The following VWA8 variants were observed in gnomAD, a reference collection of about 807,000 sequenced individuals.
VWA8 encodes von Willebrand factor A domain-containing protein 8.
Under a neutral mutation model 241.5 loss-of-function variants are expected in VWA8, and 221 were observed. The observed-to-expected ratio is 0.91, with a 90% CI of 0.82 to 1.02. VWA8 has a LOEUF of 1.02. Among genes scored for constraint, VWA8 ranks in the 50% least tolerant of loss-of-function variants. The probability of loss-of-function intolerance (pLI) is 0.00; values close to 1 mark genes in which losing one functional copy is unlikely to be tolerated. For missense variants in VWA8, 2,322 were observed against 2,328.7 expected (o/e 1.00, Z 0.06); for synonymous variants, 852 against 827.1 (o/e 1.03, Z -0.52).
At chr13:41,825,096 C>T (rs1871124782) in intron 14 of VWA8, among the ~76,000 whole-genome samples, 1 of 152,162 alleles carries the variant, frequency 6.6e-6, no homozygotes, top group African/African-American at 2.4e-5. Context: ...TTTATACAGA[C>T]CTGCAGTCTA....
chr13:41,864,923 G>C lies in VWA8; in HGVS notation c.1425+813C>G, dbSNP rs543213623. The stretch of plus-strand genomic sequence containing the variant: ...GAATTGCTTGAACCCGGGGTGGGCA[G>C]AGGTTGCAGTGAGCCGAGATTGTGC... On this transcript the variant is annotated intron_variant, in intron 12 of 44. Coordinates refer to ENST00000379310, the MANE Select transcript of VWA8 (RefSeq NM_015058.2). 2.0e-5 allele frequency among the ~76,000 whole-genome samples: 3 copies of C among 148,646 alleles called. No homozygotes were observed. In the East Asian group the frequency reaches 6.0e-4, roughly 30 times the overall value.
At chr13:41,887,090 C>G in intron 6 of VWA8, 107 bp downstream of exon 6, 1 of 1,286,516 alleles carries the variant, frequency 7.8e-7, no homozygotes, top group Non-Finnish European at 1.1e-6. Context: ...TTTCCATGAC[C>G]TACTCAGGAA....
chr13:41,940,369 T>C (rs1001755620), intron 2 of VWA8, among the ~76,000 whole-genome samples: 2 of 151,966 alleles, frequency 1.3e-5, no homozygotes, highest in African/African-American at 2.4e-5. Context: ...TAAGAGGGTA[T>C]CAAACTTCAA....
chr13:41,921,932 T>C (rs1164783299), intron 2 of VWA8, among the ~76,000 whole-genome samples: 1 of 152,176 alleles, frequency 6.6e-6, no homozygotes, highest in African/African-American at 2.4e-5. Context: ...TGGAAAAGAC[T>C]ACTTTAAAGT....
intron 2 of VWA8, among the ~76,000 whole-genome samples, chr13:41,946,571 C>G (rs917298009): frequency 2.0e-5 from 3 of 150,998 alleles, no homozygotes; most frequent in Non-Finnish European, 4.4e-5. Context: ...ACTATTGAAA[C>G]TAAGTTACCA....
rs146266231 is a variant in VWA8, at chr13:41,938,034, G to A, written c.241+11902C>T. Among the ~76,000 whole-genome samples, 43 of 151,746 alleles carry A rather than the reference G, an allele frequency of 2.8e-4. No homozygotes were observed. In the East Asian group the frequency reaches 6.5e-3, roughly 23 times the overall value. On this transcript the variant is annotated intron_variant, in intron 2 of 44. Transcript: ENST00000379310. ...AAATTAGCCAGACATGGTGGCACACGTCTGTAATCCCAGCTACTGGGGAGG... is the reference window on the plus strand; with the variant it reads ...AAATTAGCCAGACATGGTGGCACACATCTGTAATCCCAGCTACTGGGGAGG...
At chr13:41,873,092 T>C (rs1873716892) in intron 9 of VWA8, among the ~76,000 whole-genome samples, 1 of 152,020 alleles carries the variant, frequency 6.6e-6, no homozygotes, top group Admixed American at 6.6e-5. Context: ...ACTGGGTACA[T>C]AACGAAATGA....
At chr13:41,884,549 C>T (rs572557101) in intron 8 of VWA8, among the ~76,000 whole-genome samples, 213 of 150,214 alleles carry the variant, frequency 1.4e-3, no homozygotes, top group African/African-American at 5.0e-3. Context: ...TTTAAGAGTA[C>T]TGACTGCAAT....
chr13:41,949,495 G>A (rs1309386904), intron 2 of VWA8, among the ~76,000 whole-genome samples: 2 of 152,088 alleles, frequency 1.3e-5, no homozygotes, highest in African/African-American at 4.8e-5. Flanking sequence ...GGCTAGGGGA[G>A]GAATAGCATT....
chr13:41,871,154 G>A (rs1416827929), intron 9 of VWA8, among the ~76,000 whole-genome samples: 1 of 152,048 alleles, frequency 6.6e-6, no homozygotes, highest in African/African-American at 2.4e-5. Flanking sequence ...CAACATCACA[G>A]CTGGTCAGAA....
At chr13:41,634,374 C>T (rs1297311937) in intron 37 of VWA8, among the ~76,000 whole-genome samples, 1 of 152,120 alleles carries the variant, frequency 6.6e-6, no homozygotes, top group Non-Finnish European at 1.5e-5. Flanking sequence ...GTTGTGTAGT[C>T]ATGTGAGGTA....
At chr13:41,871,312 T>C (rs1873598820) in intron 9 of VWA8, among the ~76,000 whole-genome samples, 1 of 152,190 alleles carries the variant, frequency 6.6e-6, no homozygotes, top group African/African-American at 2.4e-5. Context: ...TTTTTTTAAA[T>C]TTATTATTAT....
intron 9 of VWA8, among the ~76,000 whole-genome samples, chr13:41,874,399 CTGTT>C (rs1873798940): frequency 6.6e-6 from 1 of 152,124 alleles, no homozygotes; most frequent in African/African-American, 2.4e-5. Flanking sequence ...CAAATTGTCT[CTGTT>C]TGCAGATGAC....
At chr13:41,695,179 C>T (rs1478485090) in intron 29 of VWA8, among the ~76,000 whole-genome samples, 1 of 152,068 alleles carries the variant, frequency 6.6e-6, no homozygotes, top group East Asian at 1.9e-4. Flanking sequence ...AGAAAAGTAA[C>T]CTCTGGATGA....
At chr13:41,577,096 C>T (rs2044355281) in intron 42 of VWA8, among the ~76,000 whole-genome samples, 1 of 152,174 alleles carries the variant, frequency 6.6e-6, no homozygotes. Flanking sequence ...GGCTTGGGGT[C>T]ATTTGATGAG....
intron 12 of VWA8, among the ~76,000 whole-genome samples, chr13:41,859,270 T>C (rs1872900731): frequency 6.6e-6 from 1 of 151,450 alleles, no homozygotes; most frequent in East Asian, 1.9e-4. Flanking sequence ...GGAGAGAGAA[T>C]AAAAGAATAA....
At chr13:41,901,865 CAAAAAAAAAA>C (rs1167305999) in intron 4 of VWA8, among the ~76,000 whole-genome samples, 298 of 24,660 alleles carry the variant, frequency 0.012, 2 homozygotes, top group African/African-American at 0.041. Flanking sequence ...GACTCCATCT[CAAAAAAAAAA>C]AAAAAAAAAA....
At chr13:41,618,185 T>A (rs1388729207) in intron 37 of VWA8, among the ~76,000 whole-genome samples, 1 of 152,228 alleles carries the variant, frequency 6.6e-6, no homozygotes, top group African/African-American at 2.4e-5. Flanking sequence ...TGGTGTGAGA[T>A]GGTATACCAT....
At chr13:41,842,087 T>C (rs976525586) in intron 12 of VWA8, among the ~76,000 whole-genome samples, 6 of 151,758 alleles carry the variant, frequency 4.0e-5, no homozygotes, top group East Asian at 3.9e-4. Flanking sequence ...GAATAAGCCA[T>C]TGACTTTGTA....
Sources: gnomAD v4.1 joint callset for allele counts (sites outside exome capture counted in the v4.1 genomes callset) on GRCh38, gnomAD v4.1.1 for gene constraint, MANE v1.5 for transcripts, NCBI Gene and HGNC (gene_info 2026-07-23, HGNC 2026-07-21) for gene names.